The following ABR variants were observed in gnomAD, a reference collection of about 807,000 sequenced individuals.
ABR encodes the protein ABR activator of RhoGEF and GTPase.
A neutral mutation model predicts 107.2 loss-of-function variants in ABR; 35 were observed. That is an observed-to-expected ratio of 0.33 (90% CI 0.25 to 0.43). The LOEUF is 0.43. Ranked by LOEUF, ABR falls within the 20% of genes least tolerant of loss-of-function variation. ABR has a pLI of 1.00. For missense variants in ABR, 815 were observed against 1,115.2 expected (o/e 0.73, Z 3.83); for synonymous variants, 498 against 462.0 (o/e 1.08, Z -1.00).
In ABR at chr17:1,079,362, G is replaced by T; in HGVS notation, c.668C>A (p.Ser223Tyr). Residue 223 changes from serine (S) to tyrosine (Y), a missense_variant, in exon 6 of 23, where the codon TCC (serine) becomes TAC (tyrosine). This residue lies in a region of ABR where 385 missense variants were observed against 596.9 expected (regional missense o/e 0.64). Transcript: ENST00000302538. Reference protein sequence around the residue: ...EELKVKGPKDSKDSHTSVTME... With the variant: ...EELKVKGPKDYKDSHTSVTME... ...GGTGACAGACGTGTGGCTGTCCTTG[G>T]AGTCCTTGGGACCTTTCACTTTGAG... The T allele has an allele frequency of 6.2e-7, 1 of 1,613,676 alleles. No individual in the cohort carries two copies.
At chr17:1,083,303 T>A in intron 5 of ABR, 1 of 195,122 alleles carries the variant, frequency 5.1e-6, no homozygotes, top group Non-Finnish European at 1.0e-5. Flanking sequence ...CCTGTTCCTC[T>A]CTCTAATCTG....
exon 1 of ABR, among the ~76,000 whole-genome samples, chr17:1,229,412 C>A (rs148570528): frequency 2.7e-5 from 4 of 147,392 alleles, no homozygotes; most frequent in Non-Finnish European, 5.9e-5. Flanking sequence ...GGCGCCCGGG[C>A]TCCCCGGAGT....
intron 4 of ABR, among the ~76,000 whole-genome samples, chr17:1,087,739 T>A (rs11658279): frequency 1.3e-5 from 2 of 151,786 alleles, no homozygotes; most frequent in East Asian, 1.9e-4. Flanking sequence ...AAGGCTCCTC[T>A]TGCCCCCTTT....
Position 1,024,049 on chromosome 17 carries a change from A to AAAAAAAAAAAAAAAG in ABR, c.1792-10886_1792-10885insCTTTTTTTTTTTTTT, listed in dbSNP as rs2071963289. On this transcript the variant is annotated intron_variant, in intron 16 of 22. Transcript: ENST00000302538. ...CAAAAAAAAAAAAAAAAAAAAAAAA[A>AAAAAAAAAAAAAAAG]GCAGCATCAACAGCCTTCTCTGATA... Among the ~76,000 whole-genome samples, 77 of 140,566 alleles carry AAAAAAAAAAAAAAAG rather than the reference A, an allele frequency of 5.5e-4. 1 individual carries two copies. Among genetic ancestry groups the AAAAAAAAAAAAAAAG allele is most frequent in the African/African-American group, 2.0e-3 (75 of 36,764 alleles). 92.2% of individuals were successfully genotyped at this position (140,566 alleles called of 152,430 possible).
chr17:1,170,562 G>T (rs1232917239), intron 1 of ABR, among the ~76,000 whole-genome samples: 1 of 151,986 alleles, frequency 6.6e-6, no homozygotes, highest in Admixed American at 6.6e-5. Context: ...TCAGCCTCCC[G>T]AGTAGCTGGG....
intron 4 of ABR, among the ~76,000 whole-genome samples, chr17:1,088,655 G>A (rs928533587): frequency 7.3e-5 from 11 of 151,590 alleles, no homozygotes; most frequent in East Asian, 3.9e-4. Context: ...GCACGATCTC[G>A]GCTCACTACA....
At chr17:1,197,702 C>A (rs1474146395) in intron 1 of ABR, among the ~76,000 whole-genome samples, 1 of 151,568 alleles carries the variant, frequency 6.6e-6, no homozygotes, top group African/African-American at 2.4e-5. Context: ...CTTTCCTGGA[C>A]CCCAGGCTGG....
intron 16 of ABR, among the ~76,000 whole-genome samples, chr17:1,035,136 A>C (rs2073069881): frequency 6.6e-6 from 1 of 151,590 alleles, no homozygotes; most frequent in Non-Finnish European, 1.5e-5. Flanking sequence ...AGCCCGACTC[A>C]TTGCTTCCTG....
chr17:1,198,567 C>T (rs563195565), intron 1 of ABR, among the ~76,000 whole-genome samples: 1 of 151,298 alleles, frequency 6.6e-6, no homozygotes, highest in East Asian at 1.9e-4. Context: ...CATGGTGAAA[C>T]CCCATCTCTA....
chr17:1,199,301 C>T (rs1384624582), intron 1 of ABR, among the ~76,000 whole-genome samples: 2 of 151,064 alleles, frequency 1.3e-5, no homozygotes, highest in Non-Finnish European at 2.9e-5. Flanking sequence ...TCAGAAGCCA[C>T]GCTGCAATTA....
chr17:1,100,892 C>T (rs1303734817), intron 2 of ABR, 157 bp from the exon 3 acceptor site: 17 of 674,820 alleles, frequency 2.5e-5, no homozygotes, highest in Admixed American at 7.7e-5. Flanking sequence ...GGCACAATCT[C>T]GGCTCACTGC....
At chr17:1,170,671 G>A (rs370379467) in intron 1 of ABR, among the ~76,000 whole-genome samples, 13 of 152,138 alleles carry the variant, frequency 8.5e-5, no homozygotes, top group African/African-American at 3.1e-4. Context: ...CCTGACCTCA[G>A]GTGATCCACC....
intron 12 of ABR, chr17:1,057,729 G>A (rs2033499637): frequency 6.1e-6 from 3 of 493,504 alleles, no homozygotes; most frequent in Non-Finnish European, 1.1e-5. Flanking sequence ...TAGAGAGAGA[G>A]AGAAAGCCCA....
chr17:1,093,260 G>A (rs1313206062), intron 3 of ABR, among the ~76,000 whole-genome samples: 1 of 152,008 alleles, frequency 6.6e-6, no homozygotes, highest in Non-Finnish European at 1.5e-5. Flanking sequence ...CCTGAGGCCA[G>A]GAGTTCGAGA....
At chr17:1,031,851 TCCCTCCCTCCCTCCCTCCCCGCGCTC>T (rs1259428305) in intron 16 of ABR, 84 of 1,096,482 alleles carry the variant, frequency 7.7e-5, no homozygotes, top group East Asian at 3.7e-4. Context: ...CGCGCTCGCC[TCCCTCCCTCCCTCCCTCCCCGCGCTC>T]CCCTCCCTCC....
In ABR at chr17:1,005,378, G is replaced by A. The variant is rs943235863; in HGVS notation, c.*702C>T. On this transcript the variant is annotated 3_prime_UTR_variant, in exon 23 of 23. Coordinates refer to ENST00000302538, the MANE Select transcript of ABR (RefSeq NM_021962.5). ...CGCTCCAGCTCTGTGCTAAGCTGGGGACGAGTGTGAGTGTGTCTGCTTGTC... is the reference window on the plus strand; with the variant it reads ...CGCTCCAGCTCTGTGCTAAGCTGGGAACGAGTGTGAGTGTGTCTGCTTGTC... 7 of 385,176 alleles carry A rather than the reference G, an allele frequency of 1.8e-5. No homozygotes were observed. Among genetic ancestry groups the A allele is most frequent in the South Asian group, 1.4e-4 (1 of 6,920 alleles). 23.9% of individuals were successfully genotyped at this position (385,176 alleles called of 1,614,324 possible).
intron 21 of ABR, 91 bp downstream of exon 21, chr17:1,009,588 G>C: frequency 9.5e-7 from 1 of 1,049,762 alleles, no homozygotes. Context: ...TTTTCACGAG[G>C]AGGGACTGAG....
At chr17:1,033,611 A>G (rs9910794) in intron 16 of ABR, among the ~76,000 whole-genome samples, 95,404 of 152,034 alleles carry the variant, frequency 0.63, 30,472 homozygotes, top group Middle Eastern at 0.71. Context: ...ACCGGGCCTC[A>G]GTCTTCACTG....
Position 1,057,308 on chromosome 17 carries a change from TTGTGTGTGTG to T in ABR, c.1382-216_1382-207del, listed in dbSNP as rs750525310. ...AGTAGGAGAATCTAACTGAAGAGGT[TTGTGTGTGTG>T]TGTGTGTGTGTGTGTGTGTGTGTGT... On this transcript the variant is annotated intron_variant, in intron 12 of 22. Transcript: ENST00000302538. 6.5e-3 allele frequency among the ~76,000 whole-genome samples: 444 copies of T among 67,978 alleles called. 4 individuals carry two copies. The highest frequency in any genetic ancestry group is 0.021 in the African/African-American group (371 of 17,794). 44.6% of individuals were successfully genotyped at this position (67,978 alleles called of 152,430 possible).
Sources: allele counts gnomAD v4.1 joint callset (sites outside exome capture counted in the v4.1 genomes callset), GRCh38; gene constraint gnomAD v4.1.1; regional missense constraint gnomAD v4.1.1; transcripts MANE v1.5; gene names NCBI Gene and HGNC (gene_info 2026-07-23, HGNC 2026-07-21).